TAFA1: variants seen among roughly 807,000 people sequenced by gnomAD.
TAFA1 encodes the protein chemokine-like protein TAFA-1.
A neutral mutation model predicts 18.5 loss-of-function variants in TAFA1; 4 were observed. The observed-to-expected ratio is 0.22, with a 90% CI of 0.11 to 0.49. TAFA1 has a LOEUF of 0.49. Ranked by LOEUF, TAFA1 falls within the 20% of genes least tolerant of loss-of-function variation. The pLI is 0.98. For missense variants in TAFA1, 147 were observed against 169.0 expected (o/e 0.87, Z 0.72); for synonymous variants, 56 against 55.2 (o/e 1.01, Z -0.06).
At chr3:68,524,180 A>C (rs2106757795) in intron 3 of TAFA1, among the ~76,000 whole-genome samples, 1 of 152,212 alleles carries the variant, frequency 6.6e-6, no homozygotes, top group South Asian at 2.1e-4. Flanking sequence ...GATGATTGAC[A>C]GGTTGATGAT....
intron 3 of TAFA1, among the ~76,000 whole-genome samples, chr3:68,537,601 T>C (rs183443889): frequency 3.8e-4 from 58 of 152,248 alleles, no homozygotes; most frequent in African/African-American, 1.3e-3. Flanking sequence ...AATGGGGGCT[T>C]CAGAGAAAGC....
At chr3:68,184,080 C>A (rs1327114693) in intron 2 of TAFA1, among the ~76,000 whole-genome samples, 3 of 152,114 alleles carry the variant, frequency 2.0e-5, no homozygotes, top group African/African-American at 7.2e-5. Flanking sequence ...CTGCTTTTCT[C>A]CAGGATAGCG....
chr3:68,545,536 GC>G lies in TAFA1; in HGVS notation c.*1035del, dbSNP rs1347108541. ...AGGTCTCCTCTTGTGAGATAGGAAG[GC>G]CATGAAAACAATTAGATTTCAAGAT... On this transcript the variant is annotated 3_prime_UTR_variant, in exon 5 of 5. Transcript: ENST00000478136. 6.6e-6 allele frequency: 1 copy of G among 152,558 alleles called. No individual in the cohort carries two copies. The highest frequency in any genetic ancestry group is 1.5e-5 in the Non-Finnish European group (1 of 68,020). 9.5% of individuals were successfully genotyped at this position (152,558 alleles called of 1,614,324 possible). A position where few individuals can be genotyped will look rare whatever the true frequency, so the allele number is the denominator to read the frequency against.
At chr3:68,337,816 G>A (rs1474242983) in intron 2 of TAFA1, among the ~76,000 whole-genome samples, 3 of 152,106 alleles carry the variant, frequency 2.0e-5, no homozygotes, top group African/African-American at 7.2e-5. Flanking sequence ...TGTGAAGTGA[G>A]GTACACATCC....
intron 2 of TAFA1, among the ~76,000 whole-genome samples, chr3:68,050,227 T>C (rs1231079637): frequency 6.6e-6 from 1 of 152,038 alleles, no homozygotes; most frequent in East Asian, 1.9e-4. Flanking sequence ...CATTGAAGGA[T>C]GTATTAGTAA....
intron 2 of TAFA1, among the ~76,000 whole-genome samples, chr3:68,238,926 G>A (rs2066963517): frequency 6.6e-6 from 1 of 152,078 alleles, no homozygotes; most frequent in Non-Finnish European, 1.5e-5. Flanking sequence ...AATGATCTAT[G>A]GAATTCTTTG....
Position 68,004,465 on chromosome 3 carries a change from C to G in TAFA1, c.-241C>G, listed in dbSNP as rs1054357610. On this transcript the variant is annotated 5_prime_UTR_variant, in exon 1 of 5. Coordinates refer to ENST00000478136, the MANE Select transcript of TAFA1 (RefSeq NM_213609.4). ...GGTGAAAATGACAAGGTTTCCACCC[C>G]TCAAACCTTGGCTCCTTTTCTGACA... The G allele has an allele frequency of 2.0e-5, 3 of 152,146 alleles. No homozygotes were observed. Among genetic ancestry groups the G allele is most frequent in the Admixed American group, 6.5e-5 (1 of 15,276 alleles). The allele number at this position is 152,146 out of a possible 1,614,324, so 9.4% of individuals were successfully genotyped here.
At chr3:68,289,276 A>T (rs976920276) in intron 2 of TAFA1, among the ~76,000 whole-genome samples, 13 of 152,280 alleles carry the variant, frequency 8.5e-5, no homozygotes, top group African/African-American at 3.1e-4. Flanking sequence ...CACTCTTCTA[A>T]TGGTGTCTTT....
At chr3:68,333,969 AG>A (rs1157314004) in intron 2 of TAFA1, among the ~76,000 whole-genome samples, 2 of 152,234 alleles carry the variant, frequency 1.3e-5, no homozygotes, top group Non-Finnish European at 2.9e-5. Context: ...CATAGAAACA[AG>A]TAAGACTGTG....
At chr3:67,998,344 A>T in the TAFA1 span, among the ~76,000 whole-genome samples, 4 of 152,208 alleles carry the variant, frequency 2.6e-5, no homozygotes, top group African/African-American at 9.6e-5. Flanking sequence ...CATTATAATT[A>T]TGCCCTCAAT....
intron 2 of TAFA1, among the ~76,000 whole-genome samples, chr3:68,078,861 G>A (rs2064860105): frequency 6.6e-6 from 1 of 152,054 alleles, no homozygotes; most frequent in East Asian, 1.9e-4. Flanking sequence ...TTTTTCTATT[G>A]ATTGGAATAG....
chr3:68,122,071 T>C (rs2065406307), intron 2 of TAFA1, among the ~76,000 whole-genome samples: 1 of 152,132 alleles, frequency 6.6e-6, no homozygotes, highest in South Asian at 2.1e-4. Flanking sequence ...TCTTTTTAAC[T>C]CCATTTTACC....
chr3:68,356,945 C>T (rs1474900019), intron 2 of TAFA1, among the ~76,000 whole-genome samples: 5 of 151,934 alleles, frequency 3.3e-5, no homozygotes, highest in Non-Finnish European at 1.5e-5. Context: ...ACCCAAGTCT[C>T]TCTAGTATCA....
At chr3:68,013,606 T>G (rs1704514375) in intron 2 of TAFA1, among the ~76,000 whole-genome samples, 3 of 152,222 alleles carry the variant, frequency 2.0e-5, no homozygotes, top group African/African-American at 7.2e-5. Context: ...TCTTTTGATA[T>G]CAAGAGAAAA....
chr3:68,220,761 T>C (rs1288599706), intron 2 of TAFA1, among the ~76,000 whole-genome samples: 2 of 152,158 alleles, frequency 1.3e-5, no homozygotes, highest in African/African-American at 4.8e-5. Context: ...TTGGCTCATG[T>C]TCACTGAGTA....
At chr3:68,416,457 A>G (rs185717000) in intron 2 of TAFA1, among the ~76,000 whole-genome samples, 253 of 152,320 alleles carry the variant, frequency 1.7e-3, no homozygotes, top group Non-Finnish European at 3.0e-3. Context: ...GATGTTGAGA[A>G]AGTTGATTCC....
chr3:68,122,897 A>G (rs1163602784), intron 2 of TAFA1, among the ~76,000 whole-genome samples: 6 of 151,716 alleles, frequency 4.0e-5, no homozygotes, highest in Non-Finnish European at 8.8e-5. Flanking sequence ...ACATCTATAT[A>G]TATTAAATAT....
intron 2 of TAFA1, among the ~76,000 whole-genome samples, chr3:68,303,615 A>AT (rs1037016054): frequency 4.6e-5 from 7 of 151,884 alleles, no homozygotes; most frequent in African/African-American, 7.2e-5. Context: ...CGTCCAGCTA[A>AT]TTTTTTTGTA....
intron 2 of TAFA1, among the ~76,000 whole-genome samples, chr3:68,085,567 G>C (rs1388033075): frequency 6.6e-6 from 1 of 152,166 alleles, no homozygotes; most frequent in Non-Finnish European, 1.5e-5. Flanking sequence ...TATGGCTCTT[G>C]ATGGTTATCA....
Sources: gnomAD v4.1 joint callset for allele counts (sites outside exome capture counted in the v4.1 genomes callset) on GRCh38, gnomAD v4.1.1 for gene constraint, MANE v1.5 for transcripts, NCBI Gene and HGNC (gene_info 2026-07-23, HGNC 2026-07-21) for gene names.